The following TSNARE1 variants were observed in gnomAD, a reference collection of about 807,000 sequenced individuals.
TSNARE1 encodes t-SNARE domain containing 1, also known as t-SNARE domain-containing protein 1.
A neutral mutation model predicts 62.0 loss-of-function variants in TSNARE1; 49 were observed. That is an observed-to-expected ratio of 0.79 (90% CI 0.63 to 1.00). The LOEUF is 1.00. TSNARE1 is among the 50% of genes least tolerant of loss of function. The probability of loss-of-function intolerance (pLI) is 0.00; values close to 1 mark genes in which losing one functional copy is unlikely to be tolerated. For missense variants in TSNARE1, 755 were observed against 700.1 expected (o/e 1.08, Z -0.88); for synonymous variants, 328 against 294.4 (o/e 1.11, Z -1.17).
At chr8:142,289,759 C>CG (rs984624495) in intron 10 of TSNARE1, among the ~76,000 whole-genome samples, 1 of 152,220 alleles carries the variant, frequency 6.6e-6, no homozygotes, top group Non-Finnish European at 1.5e-5. Flanking sequence ...GGGAGGCCGC[C>CG]GGGACTTACT....
At chr8:142,313,425 T>C (rs1388615281) in intron 9 of TSNARE1, among the ~76,000 whole-genome samples, 1 of 152,106 alleles carries the variant, frequency 6.6e-6, no homozygotes, top group Non-Finnish European at 1.5e-5. Context: ...TGTGTGTTTA[T>C]CTGCATGTTG....
intron 2 of TSNARE1, 33 bp downstream of exon 2, chr8:142,354,604 C>A (rs1489473550): frequency 1.3e-6 from 2 of 1,514,388 alleles, no homozygotes; most frequent in Non-Finnish European, 1.8e-6. Flanking sequence ...CCATCCCCTC[C>A]TCCCCGCCCC....
At chr8:142,287,207 AGGG>A in intron 10 of TSNARE1, among the ~76,000 whole-genome samples, 6 of 140,340 alleles carry the variant, frequency 4.3e-5, no homozygotes, top group South Asian at 4.9e-4. Flanking sequence ...GCCAGATCTC[AGGG>A]ACAGTGGGCC....
intron 12 of TSNARE1, among the ~76,000 whole-genome samples, chr8:142,237,177 G>C (rs995691392): frequency 6.6e-6 from 1 of 151,586 alleles, no homozygotes; most frequent in Non-Finnish European, 1.5e-5. Context: ...CTCACCTGCC[G>C]CCTGCAGTCA....
chr8:142,381,489 C>T (rs930174557), intron 1 of TSNARE1, among the ~76,000 whole-genome samples: 11 of 151,940 alleles, frequency 7.2e-5, no homozygotes, highest in African/African-American at 2.4e-4. Flanking sequence ...CCCCACCAAG[C>T]ACAAGGGTGG....
chr8:142,275,539 C>T, intron 11 of TSNARE1: 2 of 985,432 alleles, frequency 2.0e-6, no homozygotes, highest in Non-Finnish European at 1.2e-6. Context: ...TCAGCATTGT[C>T]TTCCACCCAA....
intron 11 of TSNARE1, chr8:142,277,842 G>A (rs919240504): frequency 1.3e-5 from 13 of 985,236 alleles, no homozygotes; most frequent in East Asian, 1.1e-4. Flanking sequence ...AGCCTCCAGG[G>A]CTGAGGACTT....
intron 1 of TSNARE1, among the ~76,000 whole-genome samples, chr8:142,397,565 C>G (rs528527655): frequency 6.6e-6 from 1 of 152,276 alleles, no homozygotes; most frequent in African/African-American, 2.4e-5. Context: ...TTGTAGCCCT[C>G]CCCACAGGGC....
intron 13 of TSNARE1, among the ~76,000 whole-genome samples, chr8:142,218,148 C>T (rs1816020500): frequency 6.8e-6 from 1 of 147,822 alleles, no homozygotes; most frequent in African/African-American, 2.5e-5. Context: ...GGATCAGGCT[C>T]AGTGTGTGGC....
intron 12 of TSNARE1, among the ~76,000 whole-genome samples, chr8:142,248,568 G>A (rs905882205): frequency 6.6e-6 from 1 of 152,214 alleles, no homozygotes; most frequent in African/African-American, 2.4e-5. Flanking sequence ...CTGTGGGGCC[G>A]GCTCTGGGCA....
At chr8:142,311,028 T>C (rs1184269861) in intron 9 of TSNARE1, among the ~76,000 whole-genome samples, 5 of 152,040 alleles carry the variant, frequency 3.3e-5, no homozygotes, top group Admixed American at 6.5e-5. Flanking sequence ...TTATGTATTT[T>C]TAGTAGAGAC....
At chr8:142,361,800 G>A (rs527324541) in intron 1 of TSNARE1, among the ~76,000 whole-genome samples, 3 of 152,256 alleles carry the variant, frequency 2.0e-5, no homozygotes, top group East Asian at 1.9e-4. Context: ...TCACAGGGAC[G>A]GGTGCACACA....
chr8:142,365,175 GAGA>G (rs1203301894), intron 1 of TSNARE1, among the ~76,000 whole-genome samples: 1 of 152,196 alleles, frequency 6.6e-6, no homozygotes, highest in Non-Finnish European at 1.5e-5. Flanking sequence ...ACGATGCACA[GAGA>G]AGAACACCAC....
At chr8:142,338,587 G>A (rs1348256754) in intron 4 of TSNARE1, among the ~76,000 whole-genome samples, 2 of 152,236 alleles carry the variant, frequency 1.3e-5, no homozygotes, top group Non-Finnish European at 2.9e-5. Context: ...TGGGCAAGCT[G>A]ACAGGCTGCC....
At chr8:142,296,710 C>T (rs1824819190) in intron 10 of TSNARE1, among the ~76,000 whole-genome samples, 4 of 151,944 alleles carry the variant, frequency 2.6e-5, no homozygotes, top group Admixed American at 2.0e-4. Context: ...GAGGAGGGCA[C>T]GCCGTGGAAG....
intron 6 of TSNARE1, among the ~76,000 whole-genome samples, chr8:142,327,663 G>A (rs991480928): frequency 6.6e-6 from 1 of 152,224 alleles, no homozygotes; most frequent in African/African-American, 2.4e-5. Context: ...CCGCACACAT[G>A]GATCATGGTC....
At chr8:142,365,412 T>C (rs1835460203) in intron 1 of TSNARE1, among the ~76,000 whole-genome samples, 1 of 152,176 alleles carries the variant, frequency 6.6e-6, no homozygotes, top group Admixed American at 6.5e-5. Context: ...AGAACACAAC[T>C]CAAAAGGTCT....
intron 10 of TSNARE1, among the ~76,000 whole-genome samples, chr8:142,296,626 G>A (rs1476896769): frequency 6.6e-6 from 1 of 152,050 alleles, no homozygotes; most frequent in Non-Finnish European, 1.5e-5. Flanking sequence ...GTCAGGGCAG[G>A]GACCAACCAG....
rs574986073 is a variant in TSNARE1, at chr8:142,288,204, G to A, written c.1291-3719C>T. 5.3e-5 allele frequency among the ~76,000 whole-genome samples: 8 copies of A among 152,330 alleles called. No individual in the cohort carries two copies. The East Asian group carries it at 7.7e-4, about 15-fold the overall frequency. ...CCAGTGCCTTTCAGGGGCCTGGGACGCCCAGCGGCTGGGGCGGGGTGGAAG... is the reference window on the plus strand; with the variant it reads ...CCAGTGCCTTTCAGGGGCCTGGGACACCCAGCGGCTGGGGCGGGGTGGAAG... On this transcript the variant is annotated intron_variant, in intron 10 of 13. Transcript: ENST00000524325.
Sources: allele counts gnomAD v4.1 joint callset (sites outside exome capture counted in the v4.1 genomes callset), GRCh38; gene constraint gnomAD v4.1.1; transcripts MANE v1.5; gene names NCBI Gene and HGNC (gene_info 2026-07-23, HGNC 2026-07-21).